Variants in COL19A1 observed in about 807,000 individuals in gnomAD.
The protein encoded by COL19A1 is collagen alpha-1(XIX) chain.
Under a neutral mutation model 190.2 loss-of-function variants are expected in COL19A1, and 159 were observed. The ratio of observed to expected loss-of-function variants is 0.84; its 90% CI spans 0.73 to 0.95. The LOEUF (loss-of-function observed/expected upper bound fraction) is 0.95. COL19A1 is among the 40% of genes least tolerant of loss of function. The pLI is 0.00. For synonymous variants in COL19A1, 509 were observed against 458.9 expected, an observed-to-expected ratio of 1.11 and a Z score of -1.39; for missense variants, 1,418 against 1,431.9, an observed-to-expected ratio of 0.99 and a Z score of 0.16.
At chr6:69,881,710 C>G (rs73478063) in intron 2 of COL19A1, among the ~76,000 whole-genome samples, 1,618 of 152,262 alleles carry the variant, frequency 0.011, 25 homozygotes, top group African/African-American at 0.033. Context: ...TAACATGAAG[C>G]ATTAAGGGAA....
chr6:70,156,806 A>G (rs1484164462), intron 34 of COL19A1, 83 bp downstream of exon 34: 2 of 1,086,672 alleles, frequency 1.8e-6, no homozygotes, highest in Non-Finnish European at 2.7e-6. Flanking sequence ...TAATTTTTCT[A>G]TAGCTCAGAT....
At chr6:70,183,654 T>C (rs1766321730) in intron 44 of COL19A1, among the ~76,000 whole-genome samples, 1 of 152,228 alleles carries the variant, frequency 6.6e-6, no homozygotes, top group African/African-American at 2.4e-5. Context: ...TTATTTAACG[T>C]ACTCTCAATA....
chr6:70,076,750 A>G (rs984814615), intron 15 of COL19A1, among the ~76,000 whole-genome samples: 1 of 152,234 alleles, frequency 6.6e-6, no homozygotes, highest in African/African-American at 2.4e-5. Context: ...CAGGTGTTCT[A>G]TGAAGGAGTC....
At chr6:69,921,471 CATATATTCATATATATTCAT>C (rs1214904208) in intron 4 of COL19A1, among the ~76,000 whole-genome samples, 3 of 9,814 alleles carry the variant, frequency 3.1e-4, no homozygotes, top group African/African-American at 1.6e-3. Context: ...CATATATATT[CATATATTCATATATATTCAT>C]ATATATTCAT....
chr6:70,138,566 G>A (rs1786026232), intron 19 of COL19A1, among the ~76,000 whole-genome samples: 1 of 152,076 alleles, frequency 6.6e-6, no homozygotes, highest in African/African-American at 2.4e-5. Context: ...ACTGAATAAA[G>A]GATATTGGTT....
At chr6:70,193,821 A>G (rs148715857) in intron 48 of COL19A1, among the ~76,000 whole-genome samples, 20 of 152,290 alleles carry the variant, frequency 1.3e-4, no homozygotes, top group African/African-American at 4.3e-4. Context: ...CACTCCATTT[A>G]ATTTTCCACT....
rs148120518 is a variant in COL19A1 at position 70,104,726 on chromosome 6, T to C, written c.1278+2504T>C. Among the ~76,000 whole-genome samples the C allele has an allele frequency of 1.9e-3, 290 of 152,362 alleles. 1 individual carries two copies. The highest frequency in any genetic ancestry group is 3.9e-3 in the Admixed American group (59 of 15,298). On this transcript the variant is annotated intron_variant, in intron 16 of 50. Coordinates refer to ENST00000620364, the MANE Select transcript of COL19A1 (RefSeq NM_001858.6). ...GCTTTAAAGAAGAAAAGCTGGTGAA[T>C]GCTAACAGGCAAGATTAGACCTTCG...
At chr6:70,025,714 A>G (rs1299961458) in intron 12 of COL19A1, among the ~76,000 whole-genome samples, 2 of 152,252 alleles carry the variant, frequency 1.3e-5, no homozygotes, top group Non-Finnish European at 2.9e-5. Context: ...AGTACTTAGC[A>G]CATGTTTGGG....
chr6:70,072,784 C>T (rs1781635656), intron 15 of COL19A1, among the ~76,000 whole-genome samples: 5 of 152,022 alleles, frequency 3.3e-5, no homozygotes. Context: ...TGTTTCTTTG[C>T]ACCAGCCCAC....
At chr6:69,901,584 T>C (rs779577057) in intron 4 of COL19A1, among the ~76,000 whole-genome samples, 5 of 152,346 alleles carry the variant, frequency 3.3e-5, no homozygotes, top group Non-Finnish European at 7.3e-5. Flanking sequence ...GTCTCATAAG[T>C]AGGCATTAAA....
chr6:69,958,036 A>G (rs1487315904), intron 9 of COL19A1, among the ~76,000 whole-genome samples: 2 of 152,144 alleles, frequency 1.3e-5, no homozygotes, highest in East Asian at 3.9e-4. Context: ...AATTACAACA[A>G]TCATAAAACC....
At chr6:70,080,440 T>C (rs1446758830) in intron 15 of COL19A1, among the ~76,000 whole-genome samples, 1 of 152,250 alleles carries the variant, frequency 6.6e-6, no homozygotes, top group African/African-American at 2.4e-5. Flanking sequence ...GGGCATTTCA[T>C]TTTATCCCTT....
chr6:69,944,771 A>T (rs1773691421), intron 9 of COL19A1, among the ~76,000 whole-genome samples: 1 of 152,010 alleles, frequency 6.6e-6, no homozygotes, highest in South Asian at 2.1e-4. Context: ...TCATGGAATA[A>T]TGCAGTTTTA....
intron 14 of COL19A1, among the ~76,000 whole-genome samples, chr6:70,038,966 G>C (rs1400523703): frequency 6.6e-6 from 1 of 151,982 alleles, no homozygotes; most frequent in East Asian, 1.9e-4. Flanking sequence ...CTGAGTCAGG[G>C]GAATTGCTCG....
chr6:70,180,193 C>A, intron 42 of COL19A1, 119 bp from the exon 43 acceptor site: 2 of 1,112,586 alleles, frequency 1.8e-6, no homozygotes, highest in Non-Finnish European at 2.6e-6. Flanking sequence ...GCCAGAAATG[C>A]CACTGGAGAG....
At chr6:69,969,775 G>A (rs6918763) in intron 11 of COL19A1, among the ~76,000 whole-genome samples, 3,374 of 152,156 alleles carry the variant, frequency 0.022, 128 homozygotes, top group African/African-American at 0.07. Flanking sequence ...GCAGATTCTG[G>A]GGCAAGAGTG....
chr6:69,899,081 G>T (rs1769984975), intron 3 of COL19A1, 59 bp downstream of exon 3: 1 of 1,073,952 alleles, frequency 9.3e-7, no homozygotes, highest in South Asian at 1.3e-5. Context: ...CCAAATGCTA[G>T]ATATGGAATA....
intron 42 of COL19A1, among the ~76,000 whole-genome samples, chr6:70,178,642 C>G (rs1438721421): frequency 6.6e-6 from 1 of 152,012 alleles, no homozygotes; most frequent in Admixed American, 6.6e-5. Context: ...TATATTTTAC[C>G]ATGATAAAAA....
chr6:69,924,765 AATG>A (rs1445094909), intron 4 of COL19A1, among the ~76,000 whole-genome samples: 4 of 152,110 alleles, frequency 2.6e-5, no homozygotes, highest in Non-Finnish European at 5.9e-5. Context: ...CTGACTTTTT[AATG>A]ATTGCCATTC....
Sources: allele counts gnomAD v4.1 joint callset (sites outside exome capture counted in the v4.1 genomes callset), GRCh38; gene constraint gnomAD v4.1.1; transcripts MANE v1.5; gene names NCBI Gene and HGNC (gene_info 2026-07-23, HGNC 2026-07-21).